CELF2: variants seen among roughly 807,000 people sequenced by gnomAD.
CELF2 encodes the protein CUG triplet repeat RNA-binding protein 2.
In CELF2, 8 loss-of-function variants were observed where a neutral mutation model predicts 62.6. That is an observed-to-expected ratio of 0.13 (90% CI 0.07 to 0.23). The LOEUF is 0.23. Among genes scored for constraint, CELF2 ranks in the 10% least tolerant of loss-of-function variants. The pLI is 1.00. For missense variants in CELF2, 333 were observed against 671.0 expected (o/e 0.50, Z 5.56); for synonymous variants, 258 against 250.0 (o/e 1.03, Z -0.30).
chr10:10,750,694 G>A, the CELF2 span, among the ~76,000 whole-genome samples: 1 of 152,234 alleles, frequency 6.6e-6, no homozygotes, highest in Non-Finnish European at 1.5e-5. Flanking sequence ...AGTTAATTAG[G>A]CAAGAGAAAG....
chr10:11,136,258 G>A (rs1314019486), intron 1 of CELF2, among the ~76,000 whole-genome samples: 1 of 152,162 alleles, frequency 6.6e-6, no homozygotes, highest in Non-Finnish European at 1.5e-5. Context: ...AATATAGCAT[G>A]GTTCCTGGGC....
chr10:10,566,139 A>C, the CELF2 span, among the ~76,000 whole-genome samples: 2 of 152,156 alleles, frequency 1.3e-5, no homozygotes, highest in African/African-American at 4.8e-5. Context: ...CTTTACCCTC[A>C]AGGAACTAGG....
Position 11,244,939 on chromosome 10 carries a change from C to T in CELF2, c.355-4214C>T, listed in dbSNP as rs1004431815. On this transcript the variant is annotated intron_variant, in intron 3 of 12. Transcript: ENST00000633077. This position sits in a 1 kb window ranked among gnomAD's most constrained non-coding sequence, Gnocchi z 4.2. ...GTCTCTTCTCTGAGTTCGCACCGTA[C>T]AGCTCTTACCACGTCTCTTATCACG... Among the ~76,000 whole-genome samples, 1 of 152,152 alleles carries T rather than the reference C, an allele frequency of 6.6e-6. No homozygotes were observed. The highest frequency in any genetic ancestry group is 2.4e-5 in the African/African-American group (1 of 41,434).
chr10:10,483,454 T>G, the CELF2 span, among the ~76,000 whole-genome samples: 1 of 152,178 alleles, frequency 6.6e-6, no homozygotes, highest in South Asian at 2.1e-4. Flanking sequence ...AATACATGAT[T>G]AGTCTGTAAA....
chr10:10,650,064 A>G, the CELF2 span, among the ~76,000 whole-genome samples: 2 of 152,220 alleles, frequency 1.3e-5, no homozygotes, highest in Non-Finnish European at 2.9e-5. Flanking sequence ...CCATCAGGAA[A>G]CGTTCAGACT....
chr10:10,965,764 G>A (rs2050056863), intron 2 of CELF2, among the ~76,000 whole-genome samples: 1 of 152,156 alleles, frequency 6.6e-6, no homozygotes, highest in Non-Finnish European at 1.5e-5. Context: ...AACCCAAGCT[G>A]AGCTCCAAAT....
Position 11,328,676 on chromosome 10 carries a change from G to A in CELF2, c.1439-250G>A, listed in dbSNP as rs1199131054. ...CCAAACAATTGAGTCTGAGGTTTCAGTGTTGTGGGGAGGGGTGTGTGCTCC... is the reference window on the plus strand; with the variant it reads ...CCAAACAATTGAGTCTGAGGTTTCAATGTTGTGGGGAGGGGTGTGTGCTCC... On this transcript the variant is annotated intron_variant, in intron 12 of 12. Coordinates refer to ENST00000633077, the MANE Select transcript of CELF2 (RefSeq NM_001326342.2). This position sits in a 1 kb window ranked among gnomAD's most constrained non-coding sequence, Gnocchi z 6.4. 6.6e-6 allele frequency among the ~76,000 whole-genome samples: 1 copy of A among 152,262 alleles called. No homozygotes were observed. The highest frequency in any genetic ancestry group is 2.4e-5 in the African/African-American group (1 of 41,480).
At chr10:10,930,703 A>G (rs528352482) in intron 2 of CELF2, among the ~76,000 whole-genome samples, 2 of 152,354 alleles carry the variant, frequency 1.3e-5, no homozygotes, top group South Asian at 2.1e-4. Context: ...CTCATTTGCT[A>G]TGTAAAAGTT....
chr10:10,554,498 C>T, the CELF2 span, among the ~76,000 whole-genome samples: 1 of 152,144 alleles, frequency 6.6e-6, no homozygotes, highest in African/African-American at 2.4e-5. Context: ...GAGTACAGGG[C>T]AGAGAAAAGA....
chr10:11,160,793 A>C (rs891112909), intron 1 of CELF2, among the ~76,000 whole-genome samples: 12 of 151,958 alleles, frequency 7.9e-5, no homozygotes, highest in Non-Finnish European at 1.5e-4. Context: ...ATGACATTTT[A>C]TGTCTTTTAG....
chr10:10,737,961 C>T, the CELF2 span, among the ~76,000 whole-genome samples: 2,318 of 152,216 alleles, frequency 0.015, 29 homozygotes, highest in Middle Eastern at 0.037. Flanking sequence ...CTCTGCCTAC[C>T]GCTGCAGCAT....
At chr10:10,752,743 T>C in the CELF2 span, among the ~76,000 whole-genome samples, 1 of 115,862 alleles carries the variant, frequency 8.6e-6, no homozygotes, top group East Asian at 2.5e-4. Context: ...TCCAGAGATC[T>C]AAAAGAATTT....
rs2075065904 is a variant in CELF2 at position 11,244,665 on chromosome 10, A to AG, written c.355-4488_355-4487insG. ...CAGAGCAAGACTCCGTCTCAAAAAA[A>AG]AAAAAACAGCATAAAAACAACAACA... On this transcript the variant is annotated intron_variant, in intron 3 of 12. Coordinates refer to ENST00000633077, the MANE Select transcript of CELF2 (RefSeq NM_001326342.2). This position sits in a 1 kb window ranked among gnomAD's most constrained non-coding sequence, Gnocchi z 4.2. 6.6e-6 allele frequency among the ~76,000 whole-genome samples: 1 copy of AG among 151,328 alleles called. No homozygotes were observed. The highest frequency in any genetic ancestry group is 2.1e-4 in the South Asian group (1 of 4,786).
intron 1 of CELF2, among the ~76,000 whole-genome samples, chr10:10,811,998 G>A (rs541384356): frequency 2.0e-5 from 3 of 152,094 alleles, no homozygotes; most frequent in African/African-American, 7.2e-5. Flanking sequence ...AGGATCCTAT[G>A]CTGTCCAGTC....
intron 1 of CELF2, among the ~76,000 whole-genome samples, chr10:11,127,905 T>A (rs1046516809): frequency 3.9e-5 from 6 of 152,234 alleles, no homozygotes; most frequent in African/African-American, 1.4e-4. Flanking sequence ...ATTTGTCAAT[T>A]TTGGCTTCTG....
At chr10:10,978,630 A>T (rs2051660628) in intron 2 of CELF2, among the ~76,000 whole-genome samples, 1 of 152,226 alleles carries the variant, frequency 6.6e-6, no homozygotes, top group Admixed American at 6.5e-5. Flanking sequence ...AATAAAAACA[A>T]CTTGAATTAT....
chr10:11,279,024 G>A (rs987428392), intron 8 of CELF2, among the ~76,000 whole-genome samples: 4 of 152,184 alleles, frequency 2.6e-5, no homozygotes, highest in African/African-American at 9.7e-5. Flanking sequence ...CTGTTAGGAA[G>A]CACTTCAGAG....
At chr10:10,805,712 A>G (rs2055153894) in intron 1 of CELF2, among the ~76,000 whole-genome samples, 1 of 152,208 alleles carries the variant, frequency 6.6e-6, no homozygotes, top group Non-Finnish European at 1.5e-5. Flanking sequence ...CTAGTTGAGA[A>G]GAGCTCAGAG....
rs142071591 is a variant in CELF2, at chr10:10,956,787, A to G, written c.89+36788A>G. ...TACAAAAAGAAAAAAAAATTTAATT[A>G]GCTGAGTGTTGTGGTGTGCACCTAT... On this transcript the variant is annotated intron_variant, in intron 2 of 13. Transcript: ENST00000636488. Among the ~76,000 whole-genome samples, 8 of 152,232 alleles carry G rather than the reference A, an allele frequency of 5.3e-5. No homozygotes were observed. In the East Asian group the frequency reaches 1.5e-3, roughly 29 times the overall value.
Sources: allele counts gnomAD v4.1 joint callset (sites outside exome capture counted in the v4.1 genomes callset), GRCh38; gene constraint gnomAD v4.1.1; non-coding constraint Gnocchi (gnomAD v3.1); transcripts MANE v1.5; gene names NCBI Gene and HGNC (gene_info 2026-07-23, HGNC 2026-07-21).